Variants in SLC2A9 observed in about 807,000 individuals in gnomAD.
SLC2A9 encodes solute carrier family 2, facilitated glucose transporter member 9.
A neutral mutation model predicts 50.6 loss-of-function variants in SLC2A9; 39 were observed. That is an observed-to-expected ratio of 0.77 (90% CI 0.60 to 1.01). The LOEUF is 1.01. Ranked by LOEUF, SLC2A9 falls within the 50% of genes least tolerant of loss-of-function variation. SLC2A9 has a pLI of 0.00. For synonymous variants in SLC2A9, 324 were observed against 276.9 expected (o/e 1.17, Z -1.69); for missense variants, 686 against 677.6 (o/e 1.01, Z -0.14).
chr4:9,942,031 T>C lies in SLC2A9; in HGVS notation c.696A>G (p.Pro232=), dbSNP rs1256157300. ...PELLGKESTW[P]YLFGVIVVPA... ...GGACCACAATCACTCCAAACAGGTA[T>C]GGCCAGGTACTCTCCTGTGGGAGAA... Residue 232 remains proline, a synonymous_variant, in exon 6 of 12, where the codon CCA becomes CCG. Transcript: ENST00000264784. The C allele has an allele frequency of 1.9e-6, 3 of 1,613,742 alleles. No individual in the cohort carries two copies. Among genetic ancestry groups the C allele is most frequent in the Non-Finnish European group, 2.5e-6 (3 of 1,179,776 alleles).
chr4:9,818,897 T>C (rs1446837575), intron 3 of SLC2A9, among the ~76,000 whole-genome samples: 1 of 151,182 alleles, frequency 6.6e-6, no homozygotes, highest in Non-Finnish European at 1.5e-5. Context: ...CTGGGGCGGG[T>C]GGATCACAAG....
chr4:9,879,139 C>G (rs781742615), intron 10 of SLC2A9: 3 of 590,424 alleles, frequency 5.1e-6, no homozygotes, highest in Non-Finnish European at 4.2e-6. Context: ...GAGGACTGAC[C>G]AACCATGGCC....
intron 5 of SLC2A9, among the ~76,000 whole-genome samples, chr4:9,947,555 C>T (rs774001102): frequency 1.1e-4 from 17 of 152,206 alleles, no homozygotes; most frequent in African/African-American, 2.6e-4. Flanking sequence ...TCAGAGAGAC[C>T]GACCTTTCCC....
intron 3 of SLC2A9, among the ~76,000 whole-genome samples, chr4:9,994,309 T>C (rs533330409): frequency 6.6e-6 from 1 of 152,020 alleles, no homozygotes; most frequent in African/African-American, 2.4e-5. Flanking sequence ...AGGCAGGAGG[T>C]CAATAGATGG....
At chr4:9,972,291 C>T (rs547385408) in intron 5 of SLC2A9, among the ~76,000 whole-genome samples, 1 of 152,154 alleles carries the variant, frequency 6.6e-6, no homozygotes, top group Non-Finnish European at 1.5e-5. Flanking sequence ...CATTCCTAAT[C>T]TCTCTTCTCA....
At chr4:9,841,936 C>A (rs1019316199) in intron 10 of SLC2A9, among the ~76,000 whole-genome samples, 4 of 152,168 alleles carry the variant, frequency 2.6e-5, no homozygotes, top group African/African-American at 9.7e-5. Context: ...AAGGTGGTAG[C>A]AAGAGTTCTT....
chr4:10,014,345 A>T (rs1004296884), intron 2 of SLC2A9, among the ~76,000 whole-genome samples: 3 of 152,124 alleles, frequency 2.0e-5, no homozygotes, highest in Non-Finnish European at 2.9e-5. Flanking sequence ...GGTGCCTGGG[A>T]TTCTCTGCAG....
intron 3 of SLC2A9, among the ~76,000 whole-genome samples, chr4:9,788,500 T>C (rs1183763272): frequency 1.3e-5 from 2 of 152,072 alleles, no homozygotes; most frequent in Admixed American, 6.6e-5. Flanking sequence ...CCCGGGTTTC[T>C]AGTTTTTATA....
Position 9,818,933 on chromosome 4 carries a change from T to C in SLC2A9, n.420+7487A>G, listed in dbSNP as rs562742010. On this transcript the variant is annotated intron_variant and non_coding_transcript_variant, in intron 3 of 3. Coordinates refer to the SLC2A9 transcript ENST00000503280. Reference sequence around the variant, plus strand: ...GTCAGGAGATCGAGACCATCCTGGCTAACACAGTGAAACCCCGTCTCTACT... The same window carrying C: ...GTCAGGAGATCGAGACCATCCTGGCCAACACAGTGAAACCCCGTCTCTACT... Among the ~76,000 whole-genome samples, 82 of 151,804 alleles carry C rather than the reference T, an allele frequency of 5.4e-4. No homozygotes were observed. In the South Asian group the frequency reaches 0.011, roughly 21 times the overall value.
At chr4:9,926,237 G>T (rs1577922703) in intron 6 of SLC2A9, among the ~76,000 whole-genome samples, 1 of 150,674 alleles carries the variant, frequency 6.6e-6, no homozygotes, top group African/African-American at 2.4e-5. Flanking sequence ...GGGCCAATGG[G>T]TGCTCACTAA....
At chr4:9,937,242 G>C (rs543083532) in intron 6 of SLC2A9, among the ~76,000 whole-genome samples, 3 of 152,290 alleles carry the variant, frequency 2.0e-5, no homozygotes, top group African/African-American at 7.2e-5. Context: ...TTCTAGGAAC[G>C]ACTTCGTGCT....
At chr4:9,841,723 G>A (rs935089158) in intron 10 of SLC2A9, among the ~76,000 whole-genome samples, 20 of 152,106 alleles carry the variant, frequency 1.3e-4, no homozygotes, top group African/African-American at 4.8e-4. Flanking sequence ...TTTGTAAAGT[G>A]ACATGCACCG....
At chr4:9,905,418 G>A (rs147700553) in intron 8 of SLC2A9, among the ~76,000 whole-genome samples, 30 of 152,322 alleles carry the variant, frequency 2.0e-4, no homozygotes, top group African/African-American at 7.2e-4. Flanking sequence ...TAAATGGCGG[G>A]GTACCAACTG....
Position 9,981,738 on chromosome 4 carries a change from C to G in SLC2A9, c.536-1001G>C, listed in dbSNP as rs78970425. ...AAATATAATAGTTTTTTTCTCTAAACCTTCTAGATGAAGAACACTCCAGGA... is the reference window on the plus strand; with the variant it reads ...AAATATAATAGTTTTTTTCTCTAAAGCTTCTAGATGAAGAACACTCCAGGA... On this transcript the variant is annotated intron_variant, in intron 4 of 11. Transcript: ENST00000264784. 9.4e-3 allele frequency among the ~76,000 whole-genome samples: 1,438 copies of G among 152,236 alleles called. 28 individuals carry two copies. The highest frequency in any genetic ancestry group is 0.033 in the African/African-American group (1,387 of 41,518).
chr4:9,994,376 T>G (rs2109261171), intron 3 of SLC2A9, among the ~76,000 whole-genome samples: 1 of 152,320 alleles, frequency 6.6e-6, no homozygotes, highest in East Asian at 1.9e-4. Flanking sequence ...CTCTTCAAGC[T>G]GAAACTTCAG....
chr4:9,997,100 T>C lies in SLC2A9; in HGVS notation c.250-159A>G, dbSNP rs145495607. Among the ~76,000 whole-genome samples the C allele has an allele frequency of 2.6e-3, 390 of 152,352 alleles. 6 individuals carry two copies. Among genetic ancestry groups the C allele is most frequent in the African/African-American group, 9.1e-3 (380 of 41,588 alleles). ...TCTCATTGGCCTCTTCTAACAAATTTTGGGAAGAGCAGAAGATGTTAATCT... is the reference window on the plus strand; with the variant it reads ...TCTCATTGGCCTCTTCTAACAAATTCTGGGAAGAGCAGAAGATGTTAATCT... On this transcript the variant is annotated intron_variant, in intron 2 of 11. Coordinates refer to ENST00000264784, the MANE Select transcript of SLC2A9 (RefSeq NM_020041.3).
At chr4:9,944,484 C>T (rs1370257962) in intron 5 of SLC2A9, among the ~76,000 whole-genome samples, 1 of 152,276 alleles carries the variant, frequency 6.6e-6, no homozygotes, top group Admixed American at 6.5e-5. Context: ...TGGACTCTTT[C>T]TTAAGGGGGG....
At chr4:9,829,582 C>A (rs1239303805) in intron 11 of SLC2A9, among the ~76,000 whole-genome samples, 1 of 151,726 alleles carries the variant, frequency 6.6e-6, no homozygotes, top group African/African-American at 2.4e-5. Context: ...GAACATACAA[C>A]CTACACAATG....
intron 6 of SLC2A9, among the ~76,000 whole-genome samples, chr4:9,935,838 T>A (rs1400179181): frequency 6.6e-6 from 1 of 152,206 alleles, no homozygotes; most frequent in African/African-American, 2.4e-5. Context: ...TTCCACTCTT[T>A]CCTGCAGGAA....
Sources: allele counts gnomAD v4.1 joint callset (sites outside exome capture counted in the v4.1 genomes callset), GRCh38; gene constraint gnomAD v4.1.1; transcripts MANE v1.5; gene names NCBI Gene and HGNC (gene_info 2026-07-23, HGNC 2026-07-21).